Variants in NCKAP5 observed in about 807,000 individuals in gnomAD.
NCKAP5 encodes the protein NCK associated protein 5.
A neutral mutation model predicts 167.0 loss-of-function variants in NCKAP5; 92 were observed. That is an observed-to-expected ratio of 0.55 (90% confidence interval 0.47 to 0.66). The LOEUF (loss-of-function observed/expected upper bound fraction) is 0.66. NCKAP5 is among the 30% of genes least tolerant of loss of function. The probability of loss-of-function intolerance (pLI) is 0.00; values close to 1 mark genes in which losing one functional copy is unlikely to be tolerated. For synonymous variants in NCKAP5, 891 were observed against 877.4 expected, an observed-to-expected ratio of 1.02 and a Z score of -0.27; for missense variants, 2,378 against 2,315.0, an observed-to-expected ratio of 1.03 and a Z score of -0.56.
intron 3 of NCKAP5, among the ~76,000 whole-genome samples, chr2:133,380,259 A>C (rs1359163266): frequency 6.6e-6 from 1 of 152,152 alleles, no homozygotes; most frequent in Non-Finnish European, 1.5e-5. Flanking sequence ...AGAGTTTGGG[A>C]GAAGATTTTT....
At chr2:132,918,736 TA>T (rs1288132194) in intron 8 of NCKAP5, among the ~76,000 whole-genome samples, 1 of 152,146 alleles carries the variant, frequency 6.6e-6, no homozygotes, top group Non-Finnish European at 1.5e-5. Flanking sequence ...ATAATGTAAA[TA>T]ACAATGCTTT....
intron 12 of NCKAP5, among the ~76,000 whole-genome samples, chr2:132,794,739 C>T (rs377662274): frequency 9.2e-5 from 14 of 151,848 alleles, no homozygotes; most frequent in Non-Finnish European, 1.9e-4. Flanking sequence ...GGTCTCCCTA[C>T]GGGACCCTGT....
intron 3 of NCKAP5, among the ~76,000 whole-genome samples, chr2:133,384,949 A>G (rs1262474483): frequency 3.3e-5 from 5 of 152,158 alleles, no homozygotes; most frequent in African/African-American, 1.2e-4. Context: ...ATTTTGGGCT[A>G]AGTCGATGGG....
chr2:133,514,083 G>A (rs1683758882), intron 3 of NCKAP5, among the ~76,000 whole-genome samples: 2 of 152,148 alleles, frequency 1.3e-5, no homozygotes, highest in Admixed American at 1.3e-4. Context: ...TCGATTTCTG[G>A]GGTGATTTTT....
At chr2:133,012,860 C>T (rs1353233384) in intron 6 of NCKAP5, among the ~76,000 whole-genome samples, 1 of 152,166 alleles carries the variant, frequency 6.6e-6, no homozygotes, top group East Asian at 1.9e-4. Flanking sequence ...CCTGTCTTTC[C>T]CATTACCTAC....
chr2:133,506,033 C>A (rs371649180), intron 3 of NCKAP5, among the ~76,000 whole-genome samples: 1 of 152,160 alleles, frequency 6.6e-6, no homozygotes. Flanking sequence ...GTGCTAAAGG[C>A]CACACATCTA....
intron 5 of NCKAP5, among the ~76,000 whole-genome samples, chr2:133,140,253 G>A (rs1559182886): frequency 6.6e-6 from 1 of 152,132 alleles, no homozygotes; most frequent in Non-Finnish European, 1.5e-5. Context: ...TCTATGCAAA[G>A]AAGACACAGC....
intron 19 of NCKAP5, among the ~76,000 whole-genome samples, chr2:132,711,297 G>C (rs1052328565): frequency 2.0e-5 from 3 of 152,206 alleles, no homozygotes; most frequent in Non-Finnish European, 4.4e-5. Flanking sequence ...TTTGGTCACT[G>C]CATCACACCA....
At chr2:133,220,899 T>C (rs2086633079) in intron 4 of NCKAP5, among the ~76,000 whole-genome samples, 1 of 152,184 alleles carries the variant, frequency 6.6e-6, no homozygotes, top group Non-Finnish European at 1.5e-5. Flanking sequence ...ATGGAGATGC[T>C]GTGTGCCCCA....
chr2:133,571,203 A>AT (rs141839762), upstream of NCKAP5, among the ~76,000 whole-genome samples: 9 of 151,808 alleles, frequency 5.9e-5, no homozygotes, highest in Non-Finnish European at 1.2e-4. Context: ...GCATATTTTT[A>AT]TTTTTTTTAT....
At chr2:133,166,590 A>G (rs1401893897) in intron 5 of NCKAP5, among the ~76,000 whole-genome samples, 1 of 152,152 alleles carries the variant, frequency 6.6e-6, no homozygotes, top group Non-Finnish European at 1.5e-5. Context: ...CTTAAATTTA[A>G]ACACATATAC....
chr2:133,596,700 C>T, the NCKAP5 span, among the ~76,000 whole-genome samples: 9 of 152,044 alleles, frequency 5.9e-5, no homozygotes, highest in South Asian at 2.1e-4. Context: ...CCTTCAGACA[C>T]GGGTTGTGGG....
At chr2:133,591,594 T>C in the NCKAP5 span, among the ~76,000 whole-genome samples, 104 of 152,300 alleles carry the variant, frequency 6.8e-4, 1 homozygote, top group South Asian at 0.014. Flanking sequence ...GGCACCTGGC[T>C]TCATCACACT....
intron 9 of NCKAP5, among the ~76,000 whole-genome samples, chr2:132,870,016 C>A (rs1369599978): frequency 5.9e-5 from 9 of 152,134 alleles, no homozygotes. Context: ...GAACCTAAAT[C>A]CCTCCTCAGC....
chr2:132,988,498 A>C (rs1259812565), intron 7 of NCKAP5, among the ~76,000 whole-genome samples: 2 of 150,736 alleles, frequency 1.3e-5, no homozygotes, highest in African/African-American at 2.4e-5. Context: ...TCACTTACAG[A>C]CTAAGAGATT....
chr2:133,661,067 A>T, the NCKAP5 span, among the ~76,000 whole-genome samples: 1 of 152,010 alleles, frequency 6.6e-6, no homozygotes, highest in African/African-American at 2.4e-5. Flanking sequence ...CATGACCAGC[A>T]GTGTTTACCC....
intron 5 of NCKAP5, among the ~76,000 whole-genome samples, chr2:133,145,429 G>A (rs772128452): frequency 1.3e-4 from 19 of 151,996 alleles, no homozygotes; most frequent in Non-Finnish European, 2.2e-4. Flanking sequence ...GATGGGTGCA[G>A]CAAACCATCA....
At chr2:133,628,797 C>A in the NCKAP5 span, among the ~76,000 whole-genome samples, 8 of 152,188 alleles carry the variant, frequency 5.3e-5, no homozygotes, top group East Asian at 5.8e-4. Context: ...ACGCATAGAC[C>A]AATGGAACAG....
At chr2:133,197,779 T>C (rs1352570013) in intron 5 of NCKAP5, among the ~76,000 whole-genome samples, 2 of 152,070 alleles carry the variant, frequency 1.3e-5, no homozygotes, top group Non-Finnish European at 2.9e-5. Flanking sequence ...TGAAACCCCA[T>C]CTCTACTAAA....
Sources: gnomAD v4.1 joint callset for allele counts (sites outside exome capture counted in the v4.1 genomes callset) on GRCh38, gnomAD v4.1.1 for gene constraint, MANE v1.5 for transcripts, NCBI Gene and HGNC (gene_info 2026-07-23, HGNC 2026-07-21) for gene names.